The following MBD2 variants were observed in gnomAD, a reference collection of about 807,000 sequenced individuals.
The protein encoded by MBD2 is methyl-CpG binding domain protein 2.
In MBD2, 9 loss-of-function variants were observed where a neutral mutation model predicts 39.3. That is an observed-to-expected ratio of 0.23 (90% confidence interval 0.14 to 0.40). MBD2 has a LOEUF of 0.40. Among genes scored for constraint, MBD2 ranks in the 10% least tolerant of loss-of-function variants. The probability of loss-of-function intolerance (pLI) is 1.00; values close to 1 mark genes in which losing one functional copy is unlikely to be tolerated. For missense variants in MBD2, 458 were observed against 532.6 expected, an observed-to-expected ratio of 0.86 and a Z score of 1.38; for synonymous variants, 233 against 211.1, an observed-to-expected ratio of 1.10 and a Z score of -0.90.
intron 2 of MBD2, chr18:54,203,003 G>C: frequency 2.8e-6 from 3 of 1,085,882 alleles, no homozygotes; most frequent in Non-Finnish European, 4.3e-6. Context: ...AGATGAAGGG[G>C]AAGGGGGTAA....
At chr18:54,191,287 T>C (rs1220491864) in intron 2 of MBD2, among the ~76,000 whole-genome samples, 2 of 152,168 alleles carry the variant, frequency 1.3e-5, no homozygotes, top group South Asian at 2.1e-4. Context: ...TCAGGTGATA[T>C]TGATGCTGCT....
intron 3 of MBD2, among the ~76,000 whole-genome samples, chr18:54,172,391 T>C (rs759080084): frequency 6.6e-6 from 1 of 152,134 alleles, no homozygotes; most frequent in South Asian, 2.1e-4. Flanking sequence ...AGAAAACACT[T>C]CCAGATAAGC....
At chr18:54,201,732 G>A (rs1048546973) in intron 2 of MBD2, among the ~76,000 whole-genome samples, 7 of 151,816 alleles carry the variant, frequency 4.6e-5, no homozygotes, top group Non-Finnish European at 7.4e-5. Flanking sequence ...GCGTGGTGGC[G>A]GGTGCCTGTA....
intron 3 of MBD2, among the ~76,000 whole-genome samples, chr18:54,170,054 G>T (rs922136117): frequency 6.6e-6 from 1 of 152,184 alleles, no homozygotes; most frequent in Admixed American, 6.5e-5. Context: ...GTCACTTAAA[G>T]CCACAAAAGT....
At chr18:54,206,423 A>G (rs964899793) in intron 1 of MBD2, among the ~76,000 whole-genome samples, 11 of 152,232 alleles carry the variant, frequency 7.2e-5, no homozygotes, top group Non-Finnish European at 1.6e-4. Context: ...AGAATTGTAG[A>G]ATACTTCTCA....
chr18:54,184,557 G>C (rs752927763), intron 3 of MBD2, among the ~76,000 whole-genome samples: 1 of 151,922 alleles, frequency 6.6e-6, no homozygotes, highest in East Asian at 1.9e-4. Flanking sequence ...CTTTTAATTT[G>C]GTACAACCCT....
In MBD2 at chr18:54,154,774, C is replaced by T. The variant is rs552364710; in HGVS notation, c.*550G>A. 6.5e-6 allele frequency: 1 copy of T among 152,756 alleles called. No individual in the cohort carries two copies. The highest frequency in any genetic ancestry group is 2.4e-5 in the African/African-American group (1 of 41,574). The allele number at this position is 152,756 out of a possible 1,614,324, so 9.5% of individuals were successfully genotyped here. ...CCAGGGATCAGAGTTGAATGTAAAT[C>T]AGAGGAAGGCTAACGAGGGGTTCTT... On this transcript the variant is annotated 3_prime_UTR_variant, in exon 7 of 7. Transcript: ENST00000256429.
At chr18:54,204,823 T>C (rs938730176) in intron 2 of MBD2, among the ~76,000 whole-genome samples, 175 bp downstream of exon 2, 1 of 152,170 alleles carries the variant, frequency 6.6e-6, no homozygotes, top group Admixed American at 6.5e-5. Flanking sequence ...GAAATGCTGT[T>C]TTCTACTGTG....
chr18:54,159,528 C>T (rs1200943332), intron 6 of MBD2, among the ~76,000 whole-genome samples: 2 of 151,946 alleles, frequency 1.3e-5, no homozygotes, highest in African/African-American at 2.4e-5. Flanking sequence ...AGTGATCCTC[C>T]CACCTCAGCC....
intron 1 of MBD2, among the ~76,000 whole-genome samples, chr18:54,220,004 T>C (rs2086596778): frequency 1.3e-5 from 2 of 152,176 alleles, no homozygotes; most frequent in Admixed American, 6.5e-5. Context: ...GGTTTCATCA[T>C]GTTAGCCAGA....
At chr18:54,192,662 C>A (rs1338751429) in intron 2 of MBD2, among the ~76,000 whole-genome samples, 1 of 152,176 alleles carries the variant, frequency 6.6e-6, no homozygotes, top group Non-Finnish European at 1.5e-5. Flanking sequence ...CTGTGAGATT[C>A]TCATTGTTAC....
chr18:54,195,363 T>A (rs902978643), intron 2 of MBD2, among the ~76,000 whole-genome samples: 1 of 152,054 alleles, frequency 6.6e-6, no homozygotes, highest in Admixed American at 6.5e-5. Context: ...ACATTAGTCA[T>A]GTTTAAGGTA....
chr18:54,179,234 T>TA (rs887586834), intron 3 of MBD2, among the ~76,000 whole-genome samples: 18 of 151,912 alleles, frequency 1.2e-4, no homozygotes, highest in African/African-American at 4.1e-4. Flanking sequence ...AACTTTTCCA[T>TA]AAAAAAAATA....
intron 4 of MBD2, among the ~76,000 whole-genome samples, chr18:54,165,620 C>T (rs918255965): frequency 6.6e-6 from 1 of 152,146 alleles, no homozygotes; most frequent in Admixed American, 6.5e-5. Flanking sequence ...TGCATCTGTT[C>T]CCACTTCTAC....
chr18:54,164,797 G>A, intron 4 of MBD2, 97 bp from the exon 5 acceptor site: 1 of 940,226 alleles, frequency 1.1e-6, no homozygotes, highest in Non-Finnish European at 1.6e-6. Context: ...TATTCATTTG[G>A]GATCATATAT....
rs780240875 is a variant in MBD2 at position 54,203,014 on chromosome 18, G to C, written c.702+1984C>G. 3.5e-6 allele frequency: 4 copies of C among 1,135,244 alleles called. No individual in the cohort carries two copies. In the South Asian group the frequency reaches 4.9e-5, roughly 14 times the overall value. The allele number at this position is 1,135,244 out of a possible 1,614,324, so 70.3% of individuals were successfully genotyped here. ...CACCAGATGAAGGGGAAGGGGGTAA[G>C]CACATTCCAAGCAGAGCAAACAGCG... On this transcript the variant is annotated intron_variant, in intron 2 of 6. Coordinates refer to ENST00000256429, the MANE Select transcript of MBD2 (RefSeq NM_003927.5).
intron 1 of MBD2, among the ~76,000 whole-genome samples, chr18:54,221,203 AT>A (rs1180158216): frequency 1.3e-5 from 2 of 152,248 alleles, no homozygotes; most frequent in Non-Finnish European, 2.9e-5. Context: ...CACACCTGTA[AT>A]CCCAGCACTT....
intron 3 of MBD2, among the ~76,000 whole-genome samples, chr18:54,177,866 C>G (rs1230785487): frequency 8.8e-6 from 1 of 113,322 alleles, no homozygotes; most frequent in Non-Finnish European, 1.7e-5. Flanking sequence ...GAGTATCACT[C>G]TGTTGCCCAA....
chr18:54,155,935 A>G (rs1382617352), intron 6 of MBD2, among the ~76,000 whole-genome samples: 2 of 152,208 alleles, frequency 1.3e-5, no homozygotes, highest in Non-Finnish European at 2.9e-5. Flanking sequence ...GTAAAATTTA[A>G]GTAACACAGT....
Sources: gnomAD v4.1 joint callset for allele counts (sites outside exome capture counted in the v4.1 genomes callset) on GRCh38, gnomAD v4.1.1 for gene constraint, MANE v1.5 for transcripts, NCBI Gene and HGNC (gene_info 2026-07-23, HGNC 2026-07-21) for gene names.